Variants in EDIL3 observed in about 807,000 individuals in gnomAD.
The protein encoded by EDIL3 is EGF-like repeat and discoidin I-like domain-containing protein 3.
Under a neutral mutation model 67.4 loss-of-function variants are expected in EDIL3, and 37 were observed. That is an observed-to-expected ratio of 0.55 (90% CI 0.42 to 0.72). The LOEUF (loss-of-function observed/expected upper bound fraction) is 0.72, where lower values mean the gene tolerates loss of function less well. Among genes scored for constraint, EDIL3 ranks in the 30% least tolerant of loss-of-function variants. EDIL3 has a pLI of 0.00. For missense variants in EDIL3, 527 were observed against 586.3 expected (o/e 0.90, Z 1.04); for synonymous variants, 195 against 196.3 (o/e 0.99, Z 0.05).
chr5:84,345,727 G>GT (rs1183004219), intron 1 of EDIL3, among the ~76,000 whole-genome samples: 1 of 152,050 alleles, frequency 6.6e-6, no homozygotes, highest in African/African-American at 2.4e-5. Context: ...AAGATAATTT[G>GT]TTTTTTTAAA....
chr5:84,342,668 A>G (rs1747139534), intron 1 of EDIL3, among the ~76,000 whole-genome samples: 1 of 152,066 alleles, frequency 6.6e-6, no homozygotes, highest in South Asian at 2.1e-4. Context: ...AGGATGATTT[A>G]CAATCACTAG....
At chr5:84,156,649 GC>G (rs1471308733) in intron 4 of EDIL3, among the ~76,000 whole-genome samples, 6 of 152,126 alleles carry the variant, frequency 3.9e-5, no homozygotes, top group African/African-American at 1.4e-4. Context: ...TAATGAAGAG[GC>G]TTTTTTAGCA....
chr5:84,195,268 T>C (rs1311289722), intron 3 of EDIL3, among the ~76,000 whole-genome samples: 1 of 151,926 alleles, frequency 6.6e-6, no homozygotes, highest in East Asian at 1.9e-4. Context: ...TGTCAATAAA[T>C]ATAATATCTT....
At chr5:84,290,285 C>G (rs1337302661) in intron 1 of EDIL3, among the ~76,000 whole-genome samples, 2 of 152,164 alleles carry the variant, frequency 1.3e-5, no homozygotes, top group Non-Finnish European at 2.9e-5. Flanking sequence ...ATGACACTAT[C>G]TGAGAGCTCT....
intron 6 of EDIL3, among the ~76,000 whole-genome samples, chr5:84,082,492 A>G (rs550297191): frequency 6.6e-6 from 1 of 152,208 alleles, no homozygotes; most frequent in Admixed American, 6.5e-5. Context: ...GAAATGAGAG[A>G]GCTAAACAGA....
intron 9 of EDIL3, among the ~76,000 whole-genome samples, chr5:83,998,936 A>G (rs1580272153): frequency 6.6e-6 from 1 of 152,144 alleles, no homozygotes; most frequent in East Asian, 1.9e-4. Flanking sequence ...CTCAGCACAG[A>G]CAGTGACTCC....
chr5:84,328,999 T>C lies in EDIL3; in HGVS notation c.67+55309A>G, dbSNP rs575799172. Among the ~76,000 whole-genome samples the C allele has an allele frequency of 3.3e-5, 5 of 152,150 alleles. No individual in the cohort carries two copies. The South Asian group carries it at 1.0e-3, about 32-fold the overall frequency. On this transcript the variant is annotated intron_variant, in intron 1 of 10. Transcript: ENST00000296591. Reference sequence around the variant, plus strand: ...CAAGGCTGAAAAGCAGCCCTGAATCTCTCCCACCACTTAAACTTCATTATC... The same window carrying C: ...CAAGGCTGAAAAGCAGCCCTGAATCCCTCCCACCACTTAAACTTCATTATC...
At chr5:84,147,164 TA>T (rs558343418) in intron 4 of EDIL3, among the ~76,000 whole-genome samples, 173 of 148,430 alleles carry the variant, frequency 1.2e-3, no homozygotes, top group African/African-American at 3.0e-3. Context: ...AACTTTATAG[TA>T]AAAAAAAAAA....
chr5:84,374,590 C>T (rs1428302453), intron 1 of EDIL3, among the ~76,000 whole-genome samples: 1 of 152,106 alleles, frequency 6.6e-6, no homozygotes. Context: ...CGAGGATGAG[C>T]TCATGTTAGA....
intron 9 of EDIL3, among the ~76,000 whole-genome samples, chr5:83,974,796 T>C (rs1193752551): frequency 1.3e-5 from 2 of 152,080 alleles, no homozygotes; most frequent in Non-Finnish European, 2.9e-5. Flanking sequence ...ATATATCTTA[T>C]GTATATTCTT....
chr5:84,305,295 T>G (rs541540147), intron 1 of EDIL3, among the ~76,000 whole-genome samples: 2 of 152,210 alleles, frequency 1.3e-5, no homozygotes, highest in Non-Finnish European at 2.9e-5. Context: ...ACCATCTCTT[T>G]CCTCTCAAAT....
intron 3 of EDIL3, among the ~76,000 whole-genome samples, chr5:84,220,645 A>C (rs1580383910): frequency 6.6e-6 from 1 of 152,156 alleles, no homozygotes; most frequent in East Asian, 1.9e-4. Context: ...TCTGTTCTTA[A>C]GGAGTACCCT....
intron 3 of EDIL3, among the ~76,000 whole-genome samples, chr5:84,198,293 A>G (rs967902937): frequency 6.6e-6 from 1 of 151,980 alleles, no homozygotes; most frequent in African/African-American, 2.4e-5. Flanking sequence ...TTCTGATGAT[A>G]GAATTCTTGG....
At chr5:84,149,006 C>A (rs1055111250) in intron 4 of EDIL3, among the ~76,000 whole-genome samples, 5 of 145,110 alleles carry the variant, frequency 3.4e-5, no homozygotes, top group Non-Finnish European at 6.0e-5. Flanking sequence ...AGACAAAATA[C>A]GTGAGACAAC....
chr5:84,291,237 T>A (rs911504133), intron 1 of EDIL3, among the ~76,000 whole-genome samples: 1 of 152,100 alleles, frequency 6.6e-6, no homozygotes, highest in African/African-American at 2.4e-5. Context: ...CTTACTAAAT[T>A]GATTTTCATG....
intron 9 of EDIL3, among the ~76,000 whole-genome samples, chr5:84,021,864 A>C (rs377154919): frequency 6.6e-6 from 1 of 152,032 alleles, no homozygotes; most frequent in South Asian, 2.1e-4. Context: ...GAAATAGAAA[A>C]CCTGCACAGA....
At chr5:84,185,912 C>T (rs1023193022) in intron 3 of EDIL3, among the ~76,000 whole-genome samples, 2 of 152,046 alleles carry the variant, frequency 1.3e-5, no homozygotes, top group Non-Finnish European at 2.9e-5. Context: ...AATTTAACTA[C>T]TTCTATATAA....
chr5:84,317,383 AAG>A (rs1296725468), intron 1 of EDIL3, among the ~76,000 whole-genome samples: 1 of 152,170 alleles, frequency 6.6e-6, no homozygotes, highest in East Asian at 1.9e-4. Context: ...TAAAGAAGGA[AAG>A]AGAGAAGAAT....
chr5:83,989,432 A>G (rs969957766), intron 9 of EDIL3, among the ~76,000 whole-genome samples: 5 of 152,138 alleles, frequency 3.3e-5, no homozygotes, highest in Non-Finnish European at 7.4e-5. Context: ...GTCCAGGAGA[A>G]TGTTGTGATT....
Sources: gnomAD v4.1 joint callset for allele counts (sites outside exome capture counted in the v4.1 genomes callset) on GRCh38, gnomAD v4.1.1 for gene constraint, MANE v1.5 for transcripts, NCBI Gene and HGNC (gene_info 2026-07-23, HGNC 2026-07-21) for gene names.